PSMD6: variants seen among roughly 807,000 people sequenced by gnomAD.
PSMD6 encodes the protein 26S proteasome non-ATPase regulatory subunit 6.
PSMD6 carries 7 observed loss-of-function variants against 44.9 expected under a neutral mutation model. That is an observed-to-expected ratio of 0.16 (90% CI 0.09 to 0.29). The LOEUF (loss-of-function observed/expected upper bound fraction) is 0.29. Ranked by LOEUF, PSMD6 falls within the 10% of genes least tolerant of loss-of-function variation. The pLI, the probability that PSMD6 is intolerant of heterozygous loss-of-function variation, is 1.00. For missense variants in PSMD6, 420 were observed against 482.6 expected (o/e 0.87, Z 1.21); for synonymous variants, 184 against 172.7 (o/e 1.07, Z -0.51).
chr3:64,014,005 GAAAA>G (rs1318066098), intron 5 of PSMD6: 1 of 155,464 alleles, frequency 6.4e-6, no homozygotes, highest in Non-Finnish European at 1.4e-5. Flanking sequence ...ATACAGACCA[GAAAA>G]AAGGTATAAA....
At position 64,010,702 on chromosome 3, in the gene PSMD6, C is replaced by G; in HGVS notation, c.1136G>C (p.Arg379Thr). The change falls in exon 8 of 8, where the codon AGA becomes ACA. Residue 379 changes from arginine (R) to threonine (T), a missense_variant. Around this residue, in one of 4 missense-constraint regions of PSMD6, gnomAD observed 63 missense variants for 112.1 expected, o/e 0.56. Coordinates refer to ENST00000295901, the MANE Select transcript of PSMD6 (RefSeq NM_014814.3). Reference protein sequence around the residue: ...TIKKGDLLLNRVQKLSRVINM With the variant: ...TIKKGDLLLNTVQKLSRVINM ...AATTACTCTGGAAAGTTTTTGAACT[C>G]TGTTTAGTAGCAGATCTCCTTTCTT... 1 of 1,609,356 alleles carries G rather than the reference C, an allele frequency of 6.2e-7. No homozygotes were observed. The highest frequency in any genetic ancestry group is 8.5e-7 in the Non-Finnish European group (1 of 1,176,346).
intron 5 of PSMD6, among the ~76,000 whole-genome samples, chr3:64,017,962 AGAAT>A (rs2076073257): frequency 6.6e-6 from 1 of 152,222 alleles, no homozygotes; most frequent in Admixed American, 6.5e-5. Flanking sequence ...TAGCCAGGAA[AGAAT>A]GGGGACAAGA....
chr3:64,023,001 C>G, intron 1 of PSMD6: 1 of 1,422,688 alleles, frequency 7.0e-7, no homozygotes. Flanking sequence ...CTGTGCCTAG[C>G]ACAGGGGTAA....
At chr3:64,011,125 G>T (rs967900913) in intron 6 of PSMD6, 170 bp from the exon 7 acceptor site, 4 of 532,126 alleles carry the variant, frequency 7.5e-6, no homozygotes, top group Admixed American at 3.7e-5. Flanking sequence ...CAGGCTTTAA[G>T]TCATCATCTA....
Position 64,010,610 on chromosome 3 carries a change from A to G in PSMD6, c.*58T>C. 8.0e-7 allele frequency: 1 copy of G among 1,253,160 alleles called. No homozygotes were observed. The highest frequency in any genetic ancestry group is 1.1e-6 in the Non-Finnish European group (1 of 882,636). 77.6% of individuals were successfully genotyped at this position (1,253,160 alleles called of 1,614,324 possible). On this transcript the variant is annotated 3_prime_UTR_variant, in exon 8 of 8. Transcript: ENST00000295901. ...GCTGACCTGGGCACATTGTGAAGTAAGCTATAAAAATTCCAAATAATTATC... is the reference window on the plus strand; with the variant it reads ...GCTGACCTGGGCACATTGTGAAGTAGGCTATAAAAATTCCAAATAATTATC...
chr3:64,020,088 T>C (rs1241646663), intron 2 of PSMD6, among the ~76,000 whole-genome samples: 2 of 152,160 alleles, frequency 1.3e-5, no homozygotes, highest in Admixed American at 6.5e-5. Context: ...CTAGGAGAAA[T>C]AGATAATTCT....
chr3:64,013,564 A>G lies in PSMD6; in HGVS notation c.870T>C (p.Pro290=). 1 of 1,611,160 alleles carries G rather than the reference A, an allele frequency of 6.2e-7. No individual in the cohort carries two copies. Among genetic ancestry groups the G allele is most frequent in the South Asian group, 1.1e-5 (1 of 90,122 alleles). The change falls in exon 6 of 8, where the codon CCT becomes CCC. Residue 290 remains proline, a synonymous_variant. Transcript: ENST00000295901. ...TTTCTCTTACATAGTATCGATAATG[A>G]GGGGCAAAAAGCCAGTCCTTTTTCA... ...QEMKKDWLFA[P]HYRYYVREMR...
At chr3:64,023,964 A>G, upstream of PSMD6, 1 of 646,332 alleles carries the variant, frequency 1.5e-6, no homozygotes, top group South Asian at 2.6e-5. Context: ...CGCAAGGCCT[A>G]AATGAAAACC....
Position 64,022,308 on chromosome 3 carries a change from C to T in PSMD6, c.351+10G>A. ...ACTAACTACAGAGAGGGAAAACCAT[C>T]TCTACTCACTTTGTCACCTATCCGG... On this transcript the variant is annotated intron_variant, in intron 2 of 7. Transcript: ENST00000295901. 1.2e-6 allele frequency: 2 copies of T among 1,614,014 alleles called. No individual in the cohort carries two copies. Among genetic ancestry groups the T allele is most frequent in the Non-Finnish European group, 1.7e-6 (2 of 1,179,914 alleles).
chr3:64,011,735 T>A (rs2075957707), intron 6 of PSMD6: 1 of 152,094 alleles, frequency 6.6e-6, no homozygotes, highest in African/African-American at 2.4e-5. Flanking sequence ...GTCATCAAGA[T>A]GACTTAAGGA....
chr3:64,016,443 A>G (rs2076045314), intron 5 of PSMD6: 1 of 151,924 alleles, frequency 6.6e-6, no homozygotes, highest in African/African-American at 2.4e-5. Flanking sequence ...TCCTGCTGTC[A>G]GGGTCATGAA....
At chr3:64,021,369 A>C (rs1014617718) in intron 2 of PSMD6, among the ~76,000 whole-genome samples, 1 of 152,234 alleles carries the variant, frequency 6.6e-6, no homozygotes, top group Non-Finnish European at 1.5e-5. Context: ...TGAAAAGGGC[A>C]AACAGGACTA....
At chr3:64,014,301 A>AGG (rs2076010402) in intron 5 of PSMD6, 1 of 152,222 alleles carries the variant, frequency 6.6e-6, no homozygotes, top group Admixed American at 6.5e-5. Context: ...CTAGATAGTT[A>AGG]TATGGCAGTG....
At chr3:64,020,584 G>A (rs570338954) in intron 2 of PSMD6, among the ~76,000 whole-genome samples, 4 of 152,216 alleles carry the variant, frequency 2.6e-5, no homozygotes, top group African/African-American at 9.6e-5. Context: ...AAACTTTTCT[G>A]TATTTTCCAA....
chr3:64,023,530 G>A, upstream of PSMD6: 1 of 1,412,478 alleles, frequency 7.1e-7, no homozygotes. Flanking sequence ...CCCGGCTTCC[G>A]GTCCCGTCTC....
intron 1 of PSMD6, chr3:64,022,745 T>C (rs1010315613): frequency 1.2e-5 from 18 of 1,536,454 alleles, no homozygotes; most frequent in African/African-American, 6.8e-5. Flanking sequence ...CAACCTCTAC[T>C]AGGGCTGGAG....
chr3:64,019,203 C>G, intron 3 of PSMD6, 93 bp downstream of exon 3: 1 of 1,455,950 alleles, frequency 6.9e-7, no homozygotes, highest in Non-Finnish European at 9.5e-7. Context: ...ACCAAACTTA[C>G]TAGCTGTAAA....
upstream of PSMD6, chr3:64,023,859 G>A (rs1328802794): frequency 2.1e-6 from 3 of 1,459,890 alleles, no homozygotes; most frequent in Admixed American, 2.0e-5. Flanking sequence ...TCTTCATGCT[G>A]CGAGGTAGTA....
intron 5 of PSMD6, chr3:64,013,939 A>G (rs558137963): frequency 2.0e-4 from 38 of 187,396 alleles, no homozygotes; most frequent in African/African-American, 7.9e-4. Context: ...ATAAAGTAAA[A>G]ATCATTTTTT....
Sources: gnomAD v4.1 joint callset for allele counts (sites outside exome capture counted in the v4.1 genomes callset) on GRCh38, gnomAD v4.1.1 for gene constraint, gnomAD v4.1.1 regional missense constraint, MANE v1.5 for transcripts, NCBI Gene and HGNC (gene_info 2026-07-23, HGNC 2026-07-21) for gene names.